Variants in SH3D19 observed in about 807,000 individuals in gnomAD.
SH3D19 encodes SH3 domain-containing protein 19.
In SH3D19, 58 loss-of-function variants were observed where a neutral mutation model predicts 112.1. That is an observed-to-expected ratio of 0.52 (90% CI 0.42 to 0.64). SH3D19 has a LOEUF of 0.64. Ranked by LOEUF, SH3D19 falls within the 30% of genes least tolerant of loss-of-function variation. SH3D19 has a pLI of 0.00. For missense variants in SH3D19, 1,090 were observed against 1,263.4 expected, an observed-to-expected ratio of 0.86 and a Z score of 2.08; for synonymous variants, 391 against 448.5, an observed-to-expected ratio of 0.87 and a Z score of 1.62.
At chr4:151,194,981 A>T (rs2149870697) in intron 2 of SH3D19, among the ~76,000 whole-genome samples, 1 of 151,368 alleles carries the variant, frequency 6.6e-6, no homozygotes, top group East Asian at 2.0e-4. Flanking sequence ...AGGCTGAGGC[A>T]TGAGAATCAC....
At chr4:151,267,165 A>AT (rs1341790297) in intron 1 of SH3D19, among the ~76,000 whole-genome samples, 4,420 of 91,966 alleles carry the variant, frequency 0.048, 244 homozygotes, top group African/African-American at 0.11. Flanking sequence ...TCTAAAAAAA[A>AT]AAAAAAATAA....
At chr4:151,219,406 C>T (rs1580230705) in intron 2 of SH3D19, among the ~76,000 whole-genome samples, 1 of 152,324 alleles carries the variant, frequency 6.6e-6, no homozygotes, top group East Asian at 1.9e-4. Context: ...CCCGACCTAA[C>T]TCCCCGACTG....
chr4:151,209,866 T>G (rs954895470), intron 2 of SH3D19, among the ~76,000 whole-genome samples: 3 of 152,184 alleles, frequency 2.0e-5, no homozygotes, highest in African/African-American at 7.2e-5. Flanking sequence ...TTTTGGAAAG[T>G]GCTCTTTTGG....
intron 1 of SH3D19, among the ~76,000 whole-genome samples, chr4:151,273,235 G>A (rs1450116286): frequency 6.6e-6 from 1 of 152,024 alleles, no homozygotes; most frequent in Non-Finnish European, 1.5e-5. Flanking sequence ...GAGATTCTGT[G>A]AGCAATCCAA....
chr4:151,171,880 T>C (rs958349389), intron 7 of SH3D19, among the ~76,000 whole-genome samples: 2 of 152,186 alleles, frequency 1.3e-5, no homozygotes, highest in Non-Finnish European at 2.9e-5. Context: ...CTGGGCTCCA[T>C]TACATTAACC....
chr4:151,128,239 C>A lies in SH3D19; in HGVS notation c.2860G>T (p.Asp954Tyr). The change falls in exon 18 of 20, where the codon GAC becomes TAC. Residue 954 changes from aspartate to tyrosine, a missense_variant. Physicochemically the swap from Asp to Tyr is radical, Grantham distance 160 (BLOSUM62 -3). Coordinates refer to ENST00000604030, the MANE Select transcript of SH3D19 (RefSeq NM_001378122.1). ...RIQILERLDS[D>Y]WCRGRLQDRE... The stretch of plus-strand genomic sequence containing the variant: ...TCCTGCAGTCTGCCCCTGCACCAGT[C>A]AGAATCCAGACGTTCCAGAATCTGG... 4 of 1,614,184 alleles carry A rather than the reference C, an allele frequency of 2.5e-6. No individual in the cohort carries two copies. The highest frequency in any genetic ancestry group is 3.4e-6 in the Non-Finnish European group (4 of 1,180,034).
Position 151,282,308 on chromosome 4 carries a change from T to G in SH3D19, c.112+42933A>C, listed in dbSNP as rs1774323866. ...GTTGAAACTGTCCTCTCAAGTCACC[T>G]TCACTTCTGCCATCCTGCCTATTTG... is the stretch of plus-strand genomic sequence containing the variant. On this transcript the variant is annotated intron_variant, in intron 1 of 19. Coordinates refer to ENST00000604030, the MANE Select transcript of SH3D19 (RefSeq NM_001378122.1). 4 of 1,613,840 alleles carry G rather than the reference T, an allele frequency of 2.5e-6. No homozygotes were observed. The South Asian group carries it at 4.4e-5, about 18-fold the overall frequency.
intron 1 of SH3D19, among the ~76,000 whole-genome samples, chr4:151,282,764 T>C (rs1774375546): frequency 2.0e-5 from 3 of 151,314 alleles, no homozygotes. Context: ...TTTCCCAGGT[T>C]GGAGTAGACA....
chr4:151,220,112 T>C (rs1273606645), intron 2 of SH3D19, among the ~76,000 whole-genome samples: 1 of 152,234 alleles, frequency 6.6e-6, no homozygotes, highest in East Asian at 1.9e-4. Context: ...GTGGGCTCTT[T>C]AGTCTGCTTC....
chr4:151,164,992 G>A (rs1171004349), intron 8 of SH3D19, among the ~76,000 whole-genome samples: 1 of 152,178 alleles, frequency 6.6e-6, no homozygotes, highest in African/African-American at 2.4e-5. Context: ...ACTCCTGACT[G>A]ATAGACATAT....
At chr4:151,190,591 G>A (rs1261844492) in intron 2 of SH3D19, among the ~76,000 whole-genome samples, 1 of 152,240 alleles carries the variant, frequency 6.6e-6, no homozygotes, top group Non-Finnish European at 1.5e-5. Context: ...TTCAGAGGGT[G>A]CAAGCCCCAA....
chr4:151,229,486 T>C (rs1580280097), intron 1 of SH3D19, among the ~76,000 whole-genome samples: 1 of 151,904 alleles, frequency 6.6e-6, no homozygotes, highest in East Asian at 1.9e-4. Flanking sequence ...AATGGTTTTA[T>C]AGATATGTAT....
intron 2 of SH3D19, among the ~76,000 whole-genome samples, chr4:151,192,524 C>T (rs1180026733): frequency 6.6e-6 from 1 of 152,214 alleles, no homozygotes; most frequent in Non-Finnish European, 1.5e-5. Context: ...CTGCCATCAC[C>T]AGTGGGTTAA....
chr4:151,300,201 C>CAA (rs200935802), intron 1 of SH3D19, among the ~76,000 whole-genome samples: 5 of 144,772 alleles, frequency 3.5e-5, no homozygotes, highest in African/African-American at 1.3e-4. Context: ...AACTCTATCT[C>CAA]AAAAAAAAAA....
intron 2 of SH3D19, among the ~76,000 whole-genome samples, chr4:151,208,677 ATC>A (rs1445413319): frequency 1.1e-5 from 1 of 92,412 alleles, no homozygotes; most frequent in African/African-American, 3.3e-5. Flanking sequence ...GCCCCAGGAA[ATC>A]TCTTTTTTTT....
At chr4:151,228,173 G>T in intron 1 of SH3D19, 1 of 428,042 alleles carries the variant, frequency 2.3e-6, no homozygotes, top group Non-Finnish European at 3.1e-6. Flanking sequence ...TTGATTATCT[G>T]CTGGGGGAAA....
intron 1 of SH3D19, among the ~76,000 whole-genome samples, chr4:151,250,194 G>A (rs1771255150): frequency 6.6e-6 from 1 of 152,090 alleles, no homozygotes; most frequent in South Asian, 2.1e-4. Flanking sequence ...TATATATACT[G>A]AAGCATAATT....
chr4:151,258,848 A>C (rs72967560), intron 1 of SH3D19, among the ~76,000 whole-genome samples: 4,866 of 152,178 alleles, frequency 0.032, 270 homozygotes, highest in African/African-American at 0.11. Context: ...TCCTGAGTCC[A>C]GGGGCAGGGA....
At chr4:151,172,707 G>T (rs915956193) in intron 7 of SH3D19, among the ~76,000 whole-genome samples, 1 of 152,122 alleles carries the variant, frequency 6.6e-6, no homozygotes, top group Non-Finnish European at 1.5e-5. Context: ...AATTGCCCAA[G>T]GTCATGTAAC....
Sources: gnomAD v4.1 joint callset for allele counts (sites outside exome capture counted in the v4.1 genomes callset) on GRCh38, gnomAD v4.1.1 for gene constraint, MANE v1.5 for transcripts, NCBI Gene and HGNC (gene_info 2026-07-23, HGNC 2026-07-21) for gene names.